Variants in PHKA1 observed in about 807,000 individuals in gnomAD.
The protein encoded by PHKA1 is phosphorylase kinase regulatory subunit alpha 1.
In PHKA1, 60 loss-of-function variants were observed where a neutral mutation model predicts 110.2. That is an observed-to-expected ratio of 0.54 (90% CI 0.44 to 0.68). The LOEUF (loss-of-function observed/expected upper bound fraction) is 0.68. Among genes scored for constraint, PHKA1 ranks in the 30% least tolerant of loss-of-function variants. The probability of loss-of-function intolerance (pLI) is 0.00; values close to 1 mark genes in which losing one functional copy is unlikely to be tolerated. For synonymous variants in PHKA1, 316 were observed against 333.6 expected, an observed-to-expected ratio of 0.95 and a Z score of 0.58; for missense variants, 801 against 942.5, an observed-to-expected ratio of 0.85 and a Z score of 1.97.
intron 4 of PHKA1, among the ~76,000 whole-genome samples, chrX:72,694,908 C>T (rs1187961156): frequency 8.9e-6 from 1 of 111,784 alleles, no homozygotes; most frequent in Admixed American, 9.5e-5. Flanking sequence ...TACATTTATT[C>T]AGGAAGAAAC....
intron 6 of PHKA1, among the ~76,000 whole-genome samples, chrX:72,671,667 C>T (rs4825960): frequency 4.5e-5 from 5 of 111,442 alleles, no homozygotes; most frequent in Admixed American, 2.9e-4. Flanking sequence ...GGAGGCATCA[C>T]GCTACCTGAC....
rs536678771 is a variant in PHKA1, at chrX:72,586,240, A to C, written c.3244-1938T>G. Among the ~76,000 whole-genome samples, 363 of 111,890 alleles carry C rather than the reference A, an allele frequency of 3.2e-3. 1 individual carries two copies. Among genetic ancestry groups the C allele is most frequent in the African/African-American group, 0.011 (350 of 30,893 alleles). On this transcript the variant is annotated intron_variant, in intron 29 of 31. Transcript: ENST00000373542. ...AGCTTCCAGAGGAAGGATCAGGCAG[A>C]AGTATTTGCTGTTCTGCAGCCTCTG...
chrX:72,705,751 A>C (rs782694004), intron 2 of PHKA1, among the ~76,000 whole-genome samples: 20 of 112,244 alleles, frequency 1.8e-4, no homozygotes, highest in African/African-American at 6.5e-4. Context: ...CATTTGACTC[A>C]ACCCGTTTTC....
chrX:72,699,233 C>T (rs138690960), intron 3 of PHKA1, among the ~76,000 whole-genome samples: 1,343 of 109,967 alleles, frequency 0.012, 9 homozygotes, highest in Middle Eastern at 0.033. Context: ...AGAGGCCAGG[C>T]GCAGTGGCTC....
At chrX:72,694,159 C>T (rs2054077087) in intron 4 of PHKA1, among the ~76,000 whole-genome samples, 2 of 111,987 alleles carry the variant, frequency 1.8e-5, no homozygotes, top group South Asian at 7.5e-4. Context: ...TTGCTAAATA[C>T]TCTGTGAAGA....
chrX:72,601,149 A>G (rs955500155), intron 28 of PHKA1, among the ~76,000 whole-genome samples: 1 of 111,842 alleles, frequency 8.9e-6, no homozygotes, highest in East Asian at 2.8e-4. Context: ...TTAAGAGGCT[A>G]CAACATGGTA....
At chrX:72,687,652 GTGTT>G (rs1347160843) in intron 4 of PHKA1, among the ~76,000 whole-genome samples, 8 of 110,327 alleles carry the variant, frequency 7.3e-5, no homozygotes, top group East Asian at 2.8e-4. Context: ...CTGTGTGTGT[GTGTT>G]TGTGTGTGTG....
At chrX:72,607,095 T>C (rs1402562805) in intron 23 of PHKA1, among the ~76,000 whole-genome samples, 1 of 111,915 alleles carries the variant, frequency 8.9e-6, no homozygotes, top group East Asian at 2.8e-4. Flanking sequence ...TGTGTATATG[T>C]ACCATATTTT....
intron 21 of PHKA1, among the ~76,000 whole-genome samples, chrX:72,612,625 T>C (rs782561368): frequency 9.0e-6 from 1 of 111,691 alleles, no homozygotes; most frequent in Non-Finnish European, 1.9e-5. Context: ...CTAAGTAAAT[T>C]ATGATATATT....
At chrX:72,694,870 T>C (rs1368162184) in intron 4 of PHKA1, among the ~76,000 whole-genome samples, 1 of 111,930 alleles carries the variant, frequency 8.9e-6, no homozygotes, top group East Asian at 2.8e-4. Context: ...ATAGTTGTCA[T>C]TCTATTTAAA....
At chrX:72,593,509 C>T (rs1285157145) in intron 28 of PHKA1, 5 of 329,064 alleles carry the variant, frequency 1.5e-5, no homozygotes, top group Admixed American at 4.8e-5. Context: ...GCTCGGCTAA[C>T]TTTTTGTATT....
intron 6 of PHKA1, among the ~76,000 whole-genome samples, chrX:72,673,361 A>C (rs2053731070): frequency 8.9e-6 from 1 of 112,340 alleles, no homozygotes; most frequent in Admixed American, 9.4e-5. Flanking sequence ...AAATATTAAC[A>C]AGTAGGGAAC....
intron 29 of PHKA1, among the ~76,000 whole-genome samples, chrX:72,585,948 G>A (rs1447738184): frequency 8.9e-6 from 1 of 112,365 alleles, no homozygotes; most frequent in African/African-American, 3.2e-5. Flanking sequence ...GCCCACCTCA[G>A]CTCAGCAAGG....
chrX:72,594,473 TTA>T (rs2052563767), intron 28 of PHKA1, among the ~76,000 whole-genome samples: 1 of 111,880 alleles, frequency 8.9e-6, no homozygotes, highest in South Asian at 3.7e-4. Context: ...AGAAAAAGGA[TTA>T]TAAGGGCATA....
At chrX:72,704,788 G>A (rs781866176) in intron 3 of PHKA1, among the ~76,000 whole-genome samples, 3 of 111,365 alleles carry the variant, frequency 2.7e-5, no homozygotes, top group African/African-American at 9.8e-5. Flanking sequence ...ACAACGCTTC[G>A]CCATGTTGCC....
intron 31 of PHKA1, among the ~76,000 whole-genome samples, chrX:72,582,121 G>C (rs2052345627): frequency 9.0e-6 from 1 of 111,698 alleles, no homozygotes; most frequent in Non-Finnish European, 1.9e-5. Context: ...GATGCTAATG[G>C]TATGCTTCAG....
rs1569451983 is a variant in PHKA1, at chrX:72,695,693, T to C, written c.454+15A>G. The C allele has an allele frequency of 8.3e-7, 1 of 1,208,762 alleles. No homozygotes were observed. The highest frequency in any genetic ancestry group is 1.1e-6 in the Non-Finnish European group (1 of 894,145). On this transcript the variant is annotated intron_variant, in intron 4 of 31. Transcript: ENST00000373542. ...CATGCTCAGGGGCTCCCAGCACTTC[T>C]CTCCTTGTACTGACCTGAGGCAGTC...
chrX:72,708,611 G>A (rs1170794480), intron 2 of PHKA1, among the ~76,000 whole-genome samples: 1 of 111,815 alleles, frequency 8.9e-6, no homozygotes, highest in East Asian at 2.8e-4. Context: ...AGGCAGAAGG[G>A]AAGAGAAAAG....
At chrX:72,662,305 A>G (rs1252395290) in intron 8 of PHKA1, among the ~76,000 whole-genome samples, 3 of 111,338 alleles carry the variant, frequency 2.7e-5, no homozygotes, top group African/African-American at 9.8e-5. Context: ...GCCAGTAGCC[A>G]TTGTACCTCT....
Sources: allele counts gnomAD v4.1 joint callset (sites outside exome capture counted in the v4.1 genomes callset), GRCh38; gene constraint gnomAD v4.1.1; transcripts MANE v1.5; gene names NCBI Gene and HGNC (gene_info 2026-07-23, HGNC 2026-07-21).